Variants in EVC2 observed in about 807,000 individuals in gnomAD.
The protein encoded by EVC2 is limbin.
A neutral mutation model predicts 149.3 loss-of-function variants in EVC2; 148 were observed. The observed-to-expected ratio is 0.99, with a 90% confidence interval of 0.87 to 1.14. The LOEUF is 1.14. EVC2 is among the 50% of genes most tolerant of loss of function. The probability of loss-of-function intolerance (pLI) is 0.00; values close to 1 mark genes in which losing one functional copy is unlikely to be tolerated. For missense variants in EVC2, 1,854 were observed against 1,627.3 expected, an observed-to-expected ratio of 1.14 and a Z score of -2.40; for synonymous variants, 776 against 649.9, an observed-to-expected ratio of 1.19 and a Z score of -2.95.
At chr4:5,697,772 G>GCAAGAC in intron 1 of EVC2, 125 bp from the exon 2 acceptor site, 4 of 796,888 alleles carry the variant, frequency 5.0e-6, no homozygotes, top group Non-Finnish European at 8.3e-6. Context: ...CTGAGACAGA[G>GCAAGAC]TCTTGCTCTG....
rs1716942289 is a variant in EVC2, at chr4:5,637,200, C to A, written c.1470+3314G>T. On this transcript the variant is annotated intron_variant, in intron 10 of 21. Transcript: ENST00000344408. The surrounding 1 kb of genome is among the most constrained non-coding windows in gnomAD (Gnocchi z 4.4). Reference sequence around the variant, plus strand: ...CTCTCCGCATAAAAAAGCATTGCCCCAGGCAGTCTTTTGATAGCAAAGCCA... The same window carrying A: ...CTCTCCGCATAAAAAAGCATTGCCCAAGGCAGTCTTTTGATAGCAAAGCCA... 6.6e-6 allele frequency among the ~76,000 whole-genome samples: 1 copy of A among 152,224 alleles called. No individual in the cohort carries two copies. The highest frequency in any genetic ancestry group is 6.5e-5 in the Admixed American group (1 of 15,284).
Position 5,576,275 on chromosome 4 carries a change from G to A in EVC2, c.3237C>T (p.Ser1079=), listed in dbSNP as rs748279631. Residue 1079 remains serine, a synonymous_variant, in exon 18 of 22, where the codon AGC becomes AGT. Coordinates refer to ENST00000344408, the MANE Select transcript of EVC2 (RefSeq NM_147127.5). This position sits in a 1 kb window ranked among gnomAD's most constrained non-coding sequence, Gnocchi z 4.5. Reference sequence around the variant, plus strand: ...GTTGCTCCAGTAATGTCTGGCTCTTGCTCAGGGCTTGGTGCAGGACAGTAG... The same window carrying A: ...GTTGCTCCAGTAATGTCTGGCTCTTACTCAGGGCTTGGTGCAGGACAGTAG... ...QVSTVLHQAL[S]KSQTLLEQHQ... The A allele has an allele frequency of 6.8e-6, 11 of 1,614,036 alleles. No homozygotes were observed. The highest frequency in any genetic ancestry group is 9.3e-6 in the Non-Finnish European group (11 of 1,180,036).
chr4:5,693,712 C>T (rs1046066217), intron 3 of EVC2, among the ~76,000 whole-genome samples: 1 of 152,352 alleles, frequency 6.6e-6, no homozygotes, highest in East Asian at 1.9e-4. Flanking sequence ...AAAAAGGGCT[C>T]TTGGCCATCG....
At chr4:5,615,958 G>A (rs1020547926) in intron 15 of EVC2, among the ~76,000 whole-genome samples, 2 of 152,218 alleles carry the variant, frequency 1.3e-5, no homozygotes, top group African/African-American at 4.8e-5. Flanking sequence ...CTGAAAACAT[G>A]GAAACTAAAT....
At chr4:5,537,595 T>C in the EVC2 span, among the ~76,000 whole-genome samples, 1 of 152,158 alleles carries the variant, frequency 6.6e-6, no homozygotes, top group Non-Finnish European at 1.5e-5. Context: ...CTTAACTGTA[T>C]ACCAGAACAA....
At chr4:5,558,391 A>G (rs1721878418), downstream of EVC2, among the ~76,000 whole-genome samples, 1 of 152,216 alleles carries the variant, frequency 6.6e-6, no homozygotes. Context: ...GAACGTGTGG[A>G]GCACAGGAAG....
Position 5,689,472 on chromosome 4 carries a change from C to T in EVC2, c.520-129G>A, listed in dbSNP as rs10937661. On this transcript the variant is annotated intron_variant, in intron 4 of 21. Coordinates refer to ENST00000344408, the MANE Select transcript of EVC2 (RefSeq NM_147127.5). The stretch of plus-strand genomic sequence containing the variant: ...GAGGGTAGCACGGTCTCGCAGAGGG[C>T]CTGGGAATTTATCAGTCTCAGTATG... 796,367 of 866,720 alleles carry T rather than the reference C, an allele frequency of 0.92. 366,384 individuals are homozygous for T. Among genetic ancestry groups the T allele is most frequent in the African/African-American group, 0.97 (58,533 of 60,158 alleles). The allele number at this position is 866,720 out of a possible 1,614,324, so 53.7% of individuals were successfully genotyped here.
At chr4:5,558,953 A>C (rs4557209), downstream of EVC2, among the ~76,000 whole-genome samples, 12 of 151,410 alleles carry the variant, frequency 7.9e-5, no homozygotes, top group Admixed American at 1.3e-4. Context: ...AGCACTTTGC[A>C]AGACCAAGGC....
At chr4:5,621,457 A>G (rs1715682927) in intron 14 of EVC2, among the ~76,000 whole-genome samples, 1 of 152,252 alleles carries the variant, frequency 6.6e-6, no homozygotes, top group East Asian at 1.9e-4. Context: ...CACAAACTTA[A>G]GTGGTGGTCC....
chr4:5,623,548 T>C (rs1715889634), intron 13 of EVC2, among the ~76,000 whole-genome samples: 1 of 152,078 alleles, frequency 6.6e-6, no homozygotes, highest in Non-Finnish European at 1.5e-5. Flanking sequence ...CCATGTTGGC[T>C]GAGCTCCTCT....
chr4:5,627,345 CTTCAA>C (rs1716188322), intron 12 of EVC2, among the ~76,000 whole-genome samples: 1 of 152,184 alleles, frequency 6.6e-6, no homozygotes, highest in Admixed American at 6.5e-5. Flanking sequence ...CTGGTGGGCC[CTTCAA>C]TTCAAGGCAA....
chr4:5,538,046 T>A (rs1036646688), downstream of EVC2, among the ~76,000 whole-genome samples: 1 of 139,314 alleles, frequency 7.2e-6, no homozygotes, highest in Non-Finnish European at 1.5e-5. Flanking sequence ...CTAGCCAAAC[T>A]GATCTGGAAA....
At chr4:5,643,531 T>C (rs1399024164) in intron 9 of EVC2, among the ~76,000 whole-genome samples, 1 of 152,216 alleles carries the variant, frequency 6.6e-6, no homozygotes, top group Non-Finnish European at 1.5e-5. Context: ...TTCCTGTTAA[T>C]CTATCTCATG....
In EVC2 at chr4:5,567,101, C is replaced by CT. The variant is rs200354573; in HGVS notation, c.3557+1342dup. On this transcript the variant is annotated intron_variant, in intron 20 of 21. Transcript: ENST00000344408. This position sits in a 1 kb window ranked among gnomAD's most constrained non-coding sequence, Gnocchi z 4.4. ...CTCCTTCTGGCTCCCTCTTGTTCCTCTGACCAGCCCACACCCAGCCCTCTG... is the reference window on the plus strand; with the variant it reads ...CTCCTTCTGGCTCCCTCTTGTTCCTCTTGACCAGCCCACACCCAGCCCTCTG... 0.013 allele frequency among the ~76,000 whole-genome samples: 1,964 copies of CT among 152,264 alleles called. 45 individuals are homozygous for CT. Among genetic ancestry groups the CT allele is most frequent in the African/African-American group, 0.044 (1,817 of 41,542 alleles).
At chr4:5,682,767 G>A (rs1457364711) in intron 6 of EVC2, among the ~76,000 whole-genome samples, 1 of 151,530 alleles carries the variant, frequency 6.6e-6, no homozygotes, top group East Asian at 2.0e-4. Flanking sequence ...GCTGAGAGAG[G>A]AGAATCGCTT....
At chr4:5,630,471 T>A (rs1377383043) in intron 11 of EVC2, among the ~76,000 whole-genome samples, 9 of 152,226 alleles carry the variant, frequency 5.9e-5, no homozygotes, top group Admixed American at 5.9e-4. Flanking sequence ...CCTAGATGGA[T>A]GTGGCTCATT....
chr4:5,578,348 T>C (rs1032378256), intron 17 of EVC2, among the ~76,000 whole-genome samples: 1 of 152,218 alleles, frequency 6.6e-6, no homozygotes, highest in African/African-American at 2.4e-5. Context: ...AATGCCAATA[T>C]GGTGCCAGAT....
chr4:5,635,029 C>CGTTT (rs1716797230), intron 10 of EVC2, among the ~76,000 whole-genome samples: 1 of 71,442 alleles, frequency 1.4e-5, no homozygotes, highest in Non-Finnish European at 2.4e-5. Flanking sequence ...AACAAATGTG[C>CGTTT]TTTTTTTTTT....
At chr4:5,588,911 C>T (rs918464600) in intron 16 of EVC2, among the ~76,000 whole-genome samples, 1 of 152,204 alleles carries the variant, frequency 6.6e-6, no homozygotes, top group African/African-American at 2.4e-5. Flanking sequence ...AAATAACTCC[C>T]ACAAGCTTAG....
Sources: allele counts gnomAD v4.1 joint callset (sites outside exome capture counted in the v4.1 genomes callset), GRCh38; gene constraint gnomAD v4.1.1; non-coding constraint Gnocchi (gnomAD v3.1); transcripts MANE v1.5; gene names NCBI Gene and HGNC (gene_info 2026-07-23, HGNC 2026-07-21).